SH3GL2: variants seen among roughly 807,000 people sequenced by gnomAD.
SH3GL2 encodes the protein endophilin-A1.
A neutral mutation model predicts 46.0 loss-of-function variants in SH3GL2; 24 were observed. The ratio of observed to expected loss-of-function variants is 0.52; its 90% CI spans 0.38 to 0.73. SH3GL2 has a LOEUF of 0.73. Among genes scored for constraint, SH3GL2 ranks in the 30% least tolerant of loss-of-function variants. The pLI is 0.00. For missense variants in SH3GL2, 413 were observed against 424.2 expected (o/e 0.97, Z 0.23); for synonymous variants, 196 against 147.1 (o/e 1.33, Z -2.40).
At chr9:17,759,190 C>T (rs145383233) in intron 2 of SH3GL2, among the ~76,000 whole-genome samples, 6 of 152,232 alleles carry the variant, frequency 3.9e-5, no homozygotes, top group African/African-American at 1.2e-4. Flanking sequence ...TAGGGAAACC[C>T]GTGAAACTGA....
At chr9:17,728,113 T>G (rs1464861914) in intron 1 of SH3GL2, among the ~76,000 whole-genome samples, 1 of 152,192 alleles carries the variant, frequency 6.6e-6, no homozygotes, top group Non-Finnish European at 1.5e-5. Flanking sequence ...AGCTGGGTAT[T>G]TACATTTTTG....
intron 1 of SH3GL2, among the ~76,000 whole-genome samples, chr9:17,627,782 C>G (rs1588185700): frequency 6.6e-6 from 1 of 152,224 alleles, no homozygotes; most frequent in Admixed American, 6.5e-5. Context: ...CCAGATGGCA[C>G]TAGCTGAAAA....
chr9:17,662,368 C>A (rs551439953), intron 1 of SH3GL2, among the ~76,000 whole-genome samples: 1 of 152,254 alleles, frequency 6.6e-6, no homozygotes, highest in Non-Finnish European at 1.5e-5. Context: ...GAGAGAATAG[C>A]CAGCTTCATA....
chr9:17,676,931 A>G (rs992355100), intron 1 of SH3GL2, among the ~76,000 whole-genome samples: 3 of 152,118 alleles, frequency 2.0e-5, no homozygotes, highest in African/African-American at 7.2e-5. Flanking sequence ...TGTCTGCTCT[A>G]TGTGCCAAAT....
At chr9:17,754,229 G>T (rs2131140957) in intron 2 of SH3GL2, among the ~76,000 whole-genome samples, 1 of 152,262 alleles carries the variant, frequency 6.6e-6, no homozygotes, top group Admixed American at 6.5e-5. Context: ...CTTAATGGTA[G>T]TCTAATAGGA....
chr9:17,760,829 CAA>C (rs1199132170), intron 2 of SH3GL2, among the ~76,000 whole-genome samples: 1 of 152,166 alleles, frequency 6.6e-6, no homozygotes, highest in Non-Finnish European at 1.5e-5. Context: ...AGGGGCCTGA[CAA>C]AGAGAACACG....
chr9:17,752,209 T>C (rs1046946316), intron 2 of SH3GL2, among the ~76,000 whole-genome samples: 7 of 152,282 alleles, frequency 4.6e-5, no homozygotes, highest in Non-Finnish European at 8.8e-5. Flanking sequence ...ACATCACTCT[T>C]GGACCTGCCT....
chr9:17,782,912 C>T lies in SH3GL2; in HGVS notation c.188-3469C>T, dbSNP rs141708204. On this transcript the variant is annotated intron_variant, in intron 3 of 8. Coordinates refer to ENST00000380607, the MANE Select transcript of SH3GL2 (RefSeq NM_003026.5). Reference sequence around the variant, plus strand: ...ATTAGGGCTGCTGCTTCAACTTCACCTCCCAAATCTTGCGCAACCTCACTT... The same window carrying T: ...ATTAGGGCTGCTGCTTCAACTTCACTTCCCAAATCTTGCGCAACCTCACTT... Among the ~76,000 whole-genome samples, 718 of 152,224 alleles carry T rather than the reference C, an allele frequency of 4.7e-3. 5 individuals are homozygous for T. Among genetic ancestry groups the T allele is most frequent in the African/African-American group, 0.016 (682 of 41,536 alleles).
At chr9:17,672,617 C>T (rs1435485346) in intron 1 of SH3GL2, among the ~76,000 whole-genome samples, 2 of 152,020 alleles carry the variant, frequency 1.3e-5, no homozygotes, top group Admixed American at 6.6e-5. Context: ...GGTTTCTCTC[C>T]CTCTTTCTGG....
chr9:17,755,779 C>A, intron 2 of SH3GL2: 1 of 985,076 alleles, frequency 1.0e-6, no homozygotes. Context: ...CCACGCTGTT[C>A]ACGAGTCCTT....
At chr9:17,778,255 G>A (rs554984100) in intron 3 of SH3GL2, among the ~76,000 whole-genome samples, 1 of 151,992 alleles carries the variant, frequency 6.6e-6, no homozygotes, top group Non-Finnish European at 1.5e-5. Flanking sequence ...TATCTTCCAC[G>A]TTTACTCTAA....
chr9:17,701,104 G>A (rs1397298804), intron 1 of SH3GL2, among the ~76,000 whole-genome samples: 1 of 152,128 alleles, frequency 6.6e-6, no homozygotes, highest in Non-Finnish European at 1.5e-5. Flanking sequence ...CACAGAAGAA[G>A]AGAGGGTAGA....
intron 1 of SH3GL2, among the ~76,000 whole-genome samples, chr9:17,601,740 G>A (rs575209750): frequency 2.0e-5 from 3 of 152,164 alleles, no homozygotes; most frequent in Admixed American, 6.5e-5. Flanking sequence ...GCTGAAGTAC[G>A]TTTTAGGTCA....
At chr9:17,652,382 A>G (rs1819977650) in intron 1 of SH3GL2, among the ~76,000 whole-genome samples, 2 of 151,762 alleles carry the variant, frequency 1.3e-5, no homozygotes, top group East Asian at 3.9e-4. Context: ...TCTTCTAGTC[A>G]TCTTTTTTAT....
intron 1 of SH3GL2, among the ~76,000 whole-genome samples, chr9:17,694,830 A>G (rs571471598): frequency 2.0e-4 from 30 of 152,168 alleles, no homozygotes; most frequent in Non-Finnish European, 2.2e-4. Flanking sequence ...AGAGCCTACT[A>G]AAACCTTCAC....
chr9:17,665,014 G>A (rs1190148028), intron 1 of SH3GL2, among the ~76,000 whole-genome samples: 3 of 152,010 alleles, frequency 2.0e-5, no homozygotes, highest in Non-Finnish European at 4.4e-5. Flanking sequence ...TCCACAGGTA[G>A]TGTGAGATAC....
At chr9:17,654,555 A>G (rs1013910032) in intron 1 of SH3GL2, among the ~76,000 whole-genome samples, 1 of 152,212 alleles carries the variant, frequency 6.6e-6, no homozygotes, top group Non-Finnish European at 1.5e-5. Context: ...GAAAGCGTAG[A>G]TTAGGGCTTG....
intron 1 of SH3GL2, among the ~76,000 whole-genome samples, chr9:17,696,121 T>C (rs1297598643): frequency 2.0e-5 from 3 of 152,136 alleles, no homozygotes; most frequent in East Asian, 3.9e-4. Flanking sequence ...CCTTTCCAGT[T>C]CTGAAGTCTG....
chr9:17,581,405 A>G (rs1404605024), intron 1 of SH3GL2, among the ~76,000 whole-genome samples: 1 of 152,238 alleles, frequency 6.6e-6, no homozygotes, highest in Non-Finnish European at 1.5e-5. Flanking sequence ...TTTATTTGAA[A>G]GGTGAAGCAG....
Sources: gnomAD v4.1 joint callset for allele counts (sites outside exome capture counted in the v4.1 genomes callset) on GRCh38, gnomAD v4.1.1 for gene constraint, MANE v1.5 for transcripts, NCBI Gene and HGNC (gene_info 2026-07-23, HGNC 2026-07-21) for gene names.